Variants in GRID2 observed in about 807,000 individuals in gnomAD.
GRID2 encodes glutamate receptor ionotropic, delta-2.
Under a neutral mutation model 114.8 loss-of-function variants are expected in GRID2, and 33 were observed. The ratio of observed to expected loss-of-function variants is 0.29; its 90% CI spans 0.22 to 0.38. The LOEUF (loss-of-function observed/expected upper bound fraction) is 0.38, where lower values mean the gene tolerates loss of function less well. Ranked by LOEUF, GRID2 falls within the 10% of genes least tolerant of loss-of-function variation. The probability of loss-of-function intolerance (pLI) is 1.00; values close to 1 mark genes in which losing one functional copy is unlikely to be tolerated. For synonymous variants in GRID2, 505 were observed against 449.9 expected, an observed-to-expected ratio of 1.12 and a Z score of -1.55; for missense variants, 1,184 against 1,257.7, an observed-to-expected ratio of 0.94 and a Z score of 0.89.
intron 8 of GRID2, among the ~76,000 whole-genome samples, chr4:93,274,442 C>T (rs567012950): frequency 1.1e-3 from 173 of 152,150 alleles, no homozygotes; most frequent in African/African-American, 3.5e-3. Flanking sequence ...TGTAACTTCT[C>T]AGAAGAATTA....
At chr4:92,377,577 A>G (rs1281081221) in intron 1 of GRID2, among the ~76,000 whole-genome samples, 2 of 152,156 alleles carry the variant, frequency 1.3e-5, no homozygotes, top group African/African-American at 2.4e-5. Flanking sequence ...CTCTACTCAT[A>G]GCAATTTACT....
intron 14 of GRID2, among the ~76,000 whole-genome samples, chr4:93,703,958 G>A (rs574352664): frequency 2.4e-4 from 36 of 152,090 alleles, no homozygotes; most frequent in East Asian, 5.8e-4. Flanking sequence ...ATAAACATAC[G>A]TGTGCATGTG....
chr4:92,567,026 T>G (rs1360254583), intron 1 of GRID2, among the ~76,000 whole-genome samples: 2 of 152,094 alleles, frequency 1.3e-5, no homozygotes, highest in African/African-American at 4.8e-5. Context: ...TATCTTTTTC[T>G]AAATAGTTAC....
At chr4:92,990,800 C>T (rs987087623) in intron 2 of GRID2, among the ~76,000 whole-genome samples, 4 of 151,924 alleles carry the variant, frequency 2.6e-5, no homozygotes, top group Non-Finnish European at 2.9e-5. Flanking sequence ...TTGATGGTGA[C>T]TACTGAAAAT....
At chr4:92,764,640 A>T (rs529924695) in intron 2 of GRID2, among the ~76,000 whole-genome samples, 1 of 152,294 alleles carries the variant, frequency 6.6e-6, no homozygotes, top group South Asian at 2.1e-4. Context: ...ACTTAACACA[A>T]TTTGTAATTC....
At chr4:92,449,985 A>G (rs1038582011) in intron 1 of GRID2, among the ~76,000 whole-genome samples, 12 of 151,892 alleles carry the variant, frequency 7.9e-5, no homozygotes, top group Admixed American at 7.2e-4. Context: ...GTAAAACATA[A>G]TTCATCTTGA....
At chr4:93,420,731 CTTATTTAT>C (rs36041449) in intron 9 of GRID2, among the ~76,000 whole-genome samples, 56,981 of 146,152 alleles carry the variant, frequency 0.39, 11,924 homozygotes, top group East Asian at 0.68. Context: ...ATTATTTTTA[CTTATTTAT>C]TTATTTATTT....
At chr4:93,095,540 T>C (rs142045712) in intron 3 of GRID2, among the ~76,000 whole-genome samples, 34 of 152,164 alleles carry the variant, frequency 2.2e-4, no homozygotes, top group African/African-American at 7.2e-4. Flanking sequence ...CAATACATAA[T>C]AATGCACATA....
chr4:93,600,354 A>C (rs1739546370), intron 13 of GRID2, among the ~76,000 whole-genome samples: 1 of 152,216 alleles, frequency 6.6e-6, no homozygotes, highest in African/African-American at 2.4e-5. Flanking sequence ...CTCATATATA[A>C]AGAACTAAAA....
intron 13 of GRID2, among the ~76,000 whole-genome samples, chr4:93,570,312 C>A (rs957774941): frequency 6.6e-6 from 1 of 152,100 alleles, no homozygotes; most frequent in African/African-American, 2.4e-5. Flanking sequence ...CCTCATTCAG[C>A]CTCACTGTTG....
chr4:93,554,328 CA>C (rs1734087468), intron 13 of GRID2, among the ~76,000 whole-genome samples: 1 of 152,098 alleles, frequency 6.6e-6, no homozygotes. Flanking sequence ...ATTCTCATTA[CA>C]CTTTGGATTT....
chr4:93,088,024 G>C (rs756562148), intron 3 of GRID2, among the ~76,000 whole-genome samples: 6 of 152,108 alleles, frequency 3.9e-5, no homozygotes, highest in Non-Finnish European at 8.8e-5. Flanking sequence ...GAATTAGGCA[G>C]CTTCCTGGGG....
chr4:93,234,539 A>G (rs956154170), intron 7 of GRID2, among the ~76,000 whole-genome samples: 2 of 151,844 alleles, frequency 1.3e-5, no homozygotes, highest in African/African-American at 2.4e-5. Flanking sequence ...TTGAGTGTAT[A>G]TGTATATATG....
intron 14 of GRID2, among the ~76,000 whole-genome samples, chr4:93,710,874 C>T (rs1728423269): frequency 6.6e-6 from 1 of 152,004 alleles, no homozygotes; most frequent in South Asian, 2.1e-4. Flanking sequence ...TGCCCCAGGC[C>T]CATGGTGAGT....
At chr4:93,308,367 T>C (rs937495860) in intron 8 of GRID2, among the ~76,000 whole-genome samples, 10 of 152,176 alleles carry the variant, frequency 6.6e-5, no homozygotes, top group African/African-American at 2.4e-4. Context: ...TATTCCTGTT[T>C]CCATAGTTCA....
chr4:92,940,871 T>G (rs1034428368), intron 2 of GRID2, among the ~76,000 whole-genome samples: 6 of 152,236 alleles, frequency 3.9e-5, no homozygotes, highest in African/African-American at 1.4e-4. Context: ...GGATTACATT[T>G]ATTGATTTGC....
intron 4 of GRID2, among the ~76,000 whole-genome samples, chr4:93,179,031 C>T (rs573685770): frequency 4.6e-5 from 7 of 152,072 alleles, no homozygotes; most frequent in South Asian, 2.1e-4. Flanking sequence ...TAAATGATGG[C>T]GGGCACTCTG....
intron 2 of GRID2, among the ~76,000 whole-genome samples, chr4:92,794,905 T>TATATATATATATATATACACAC (rs745392261): frequency 2.3e-5 from 3 of 127,808 alleles, no homozygotes; most frequent in African/African-American, 9.3e-5. Flanking sequence ...TATATATATA[T>TATATATATATATATATACACAC]ACACACACAC....
chr4:93,601,631 A>G (rs1739693831), intron 13 of GRID2, among the ~76,000 whole-genome samples: 1 of 152,350 alleles, frequency 6.6e-6, no homozygotes, highest in South Asian at 2.1e-4. Context: ...TGAAGCTTCT[A>G]AAATATTACT....
Sources: allele counts gnomAD v4.1 joint callset (sites outside exome capture counted in the v4.1 genomes callset), GRCh38; gene constraint gnomAD v4.1.1; transcripts MANE v1.5; gene names NCBI Gene and HGNC (gene_info 2026-07-23, HGNC 2026-07-21).